SETD1B: variants seen among roughly 807,000 people sequenced by gnomAD.
SETD1B encodes the protein SET domain containing 1B, histone lysine methyltransferase.
SETD1B carries 7 observed loss-of-function variants against 148.0 expected under a neutral mutation model. The observed-to-expected ratio is 0.05, with a 90% CI of 0.03 to 0.09. SETD1B has a LOEUF of 0.09. Among genes scored for constraint, SETD1B ranks in the 10% least tolerant of loss-of-function variants. The pLI is 1.00. For synonymous variants in SETD1B, 1,361 were observed against 1,186.5 expected (o/e 1.15, Z -3.02); for missense variants, 2,155 against 2,729.9 (o/e 0.79, Z 4.69).
At chr12:121,815,823 C>CTTTTTTTTTTTTTTTT (rs994063316) in intron 7 of SETD1B, among the ~76,000 whole-genome samples, 10 of 118,158 alleles carry the variant, frequency 8.5e-5, no homozygotes, top group Non-Finnish European at 1.2e-4. Context: ...TCTTTTCTTT[C>CTTTTTTTTTTTTTTTT]TTTTTTTTTT....
In SETD1B at chr12:121,831,437, A is replaced by G. The variant is rs1031992931; in HGVS notation, c.*1198A>G. On this transcript the variant is annotated 3_prime_UTR_variant, in exon 17 of 17. Coordinates refer to ENST00000604567, the MANE Select transcript of SETD1B (RefSeq NM_001353345.2). ...TTGACCCCCTTCCCATCTCTTCAGA[A>G]TTTATTCCCATGGCTTTTTTTTTTC... The G allele has an allele frequency of 2.6e-5, 4 of 151,682 alleles. No individual in the cohort carries two copies. The highest frequency in any genetic ancestry group is 9.7e-5 in the African/African-American group (4 of 41,340). 9.4% of individuals were successfully genotyped at this position (151,682 alleles called of 1,614,324 possible).
At chr12:121,816,992 G>T (rs747121302) in intron 7 of SETD1B, 41 bp from the exon 8 acceptor site, 8 of 1,460,110 alleles carry the variant, frequency 5.5e-6, no homozygotes, top group Non-Finnish European at 7.3e-6. Context: ...AGGGTTGGTG[G>T]TGCCAGAAGC....
In SETD1B at chr12:121,808,138, G is replaced by A. The variant is rs1448955351; in HGVS notation, c.545-70G>A. ...AGGGACCCACCAGGGTGCCACACAGGTTGGAATCCTTGTGGGGGCTGCCCC... is the reference window on the plus strand; with the variant it reads ...AGGGACCCACCAGGGTGCCACACAGATTGGAATCCTTGTGGGGGCTGCCCC... On this transcript the variant is annotated intron_variant, in intron 4 of 16. Coordinates refer to ENST00000604567, the MANE Select transcript of SETD1B (RefSeq NM_001353345.2). The surrounding 1 kb of genome is among the most constrained non-coding windows in gnomAD (Gnocchi z 5.3). 14 of 1,268,456 alleles carry A rather than the reference G, an allele frequency of 1.1e-5. No individual in the cohort carries two copies. The highest frequency in any genetic ancestry group is 1.6e-5 in the Non-Finnish European group (14 of 900,718). 78.6% of individuals were successfully genotyped at this position (1,268,456 alleles called of 1,614,324 possible).
chr12:121,807,907 G>T (rs967150183), intron 4 of SETD1B, among the ~76,000 whole-genome samples: 21 of 150,394 alleles, frequency 1.4e-4, no homozygotes, highest in Admixed American at 7.9e-4. Flanking sequence ...ATGCAGGGGT[G>T]GGGGGGGGCT....
chr12:121,812,020 GCT>G lies in SETD1B; in HGVS notation c.1890+1186_1890+1187del, dbSNP rs1198579979. On this transcript the variant is annotated intron_variant, in intron 6 of 16. Coordinates refer to ENST00000604567, the MANE Select transcript of SETD1B (RefSeq NM_001353345.2). ...TTTACCATGCTGACCACGGTCCAGG[GCT>G]GAGAGGCCCGCAGTGGCTGGAGCGA... 2.6e-5 allele frequency among the ~76,000 whole-genome samples: 4 copies of G among 152,320 alleles called. No homozygotes were observed. In the East Asian group the frequency reaches 5.8e-4, roughly 22 times the overall value.
intron 4 of SETD1B, among the ~76,000 whole-genome samples, chr12:121,807,839 C>T (rs1188456938): frequency 6.6e-6 from 1 of 151,864 alleles, no homozygotes. Context: ...TACTGCAAGC[C>T]CCTGGGTATT....
In SETD1B at chr12:121,804,541, C is replaced by T. The variant is rs570162143; in HGVS notation, c.-14-183C>T. Among the ~76,000 whole-genome samples the T allele has an allele frequency of 5.3e-5, 8 of 151,594 alleles. No individual in the cohort carries two copies. The South Asian group carries it at 1.5e-3, about 28-fold the overall frequency. On this transcript the variant is annotated intron_variant, in intron 1 of 16. Coordinates refer to ENST00000604567, the MANE Select transcript of SETD1B (RefSeq NM_001353345.2). This position sits in a 1 kb window ranked among gnomAD's most constrained non-coding sequence, Gnocchi z 4.6. ...GCCGAGCGGGCGGGCGCGTAATTCT[C>T]CCGGAAGGGTTATTCTCTCGCTCCA...
chr12:121,817,999 ATGT>A lies in SETD1B; in HGVS notation c.3418+99_3418+101del, dbSNP rs1461833699. ...TTGTCAGAAATACTTCTGAGCCAAAATGTTGTGCTTTTGAGACGTTACCTTGTT... is the reference window on the plus strand; with the variant it reads ...TTGTCAGAAATACTTCTGAGCCAAAATGTGCTTTTGAGACGTTACCTTGTT... On this transcript the variant is annotated intron_variant, in intron 10 of 16. Transcript: ENST00000604567. The surrounding 1 kb of genome is among the most constrained non-coding windows in gnomAD (Gnocchi z 8.1). 4.7e-6 allele frequency: 6 copies of A among 1,290,314 alleles called. No individual in the cohort carries two copies. The Admixed American group carries it at 1.4e-4, about 31-fold the overall frequency. The allele number at this position is 1,290,314 out of a possible 1,614,324, so 79.9% of individuals were successfully genotyped here.
In SETD1B at chr12:121,817,710, T is replaced by C; in HGVS notation, c.3312+6T>C. 6.5e-7 allele frequency: 1 copy of C among 1,541,942 alleles called. No individual in the cohort carries two copies. Among genetic ancestry groups the C allele is most frequent in the Non-Finnish European group, 8.8e-7 (1 of 1,139,920 alleles). On this transcript the variant is annotated splice_donor_region_variant and intron_variant, in intron 9 of 16. Coordinates refer to ENST00000604567, the MANE Select transcript of SETD1B (RefSeq NM_001353345.2). This position sits in a 1 kb window ranked among gnomAD's most constrained non-coding sequence, Gnocchi z 8.1. ...CCTCATCCACATCAGATAAGGTGCC[T>C]AGCAGGCCAGGAAGCCTCAGGGGGC...
Position 121,814,153 on chromosome 12 carries a change from G to A in SETD1B, c.1938G>A (p.Met646Ile). Reference sequence around the variant, plus strand: ...ACATGGAGATCTCGGATGACGAGATGCCCTCGGCCCCCATCACCAGCGCTG... The same window carrying A: ...ACATGGAGATCTCGGATGACGAGATACCCTCGGCCCCCATCACCAGCGCTG... ...GEDMEISDDE[M>I]PSAPITSADC... The change falls in exon 7 of 17, where the codon ATG (methionine) becomes ATA (isoleucine). Residue 646 changes from methionine to isoleucine, a missense_variant. Met to Ile is a conservative substitution (Grantham distance 10). This residue lies in a region of SETD1B where 295 missense variants were observed against 303.8 expected (regional missense o/e 0.97). Coordinates refer to ENST00000604567, the MANE Select transcript of SETD1B (RefSeq NM_001353345.2). 6.5e-7 allele frequency: 1 copy of A among 1,548,162 alleles called. No homozygotes were observed. Among genetic ancestry groups the A allele is most frequent in the Non-Finnish European group, 8.7e-7 (1 of 1,146,534 alleles).
At chr12:121,821,788 A>G (rs560751397) in intron 11 of SETD1B, among the ~76,000 whole-genome samples, 1 of 152,082 alleles carries the variant, frequency 6.6e-6, no homozygotes, top group African/African-American at 2.4e-5. Context: ...TAGAAAATGA[A>G]AAAGATGTAT....
intron 16 of SETD1B, among the ~76,000 whole-genome samples, chr12:121,828,589 G>C (rs1381834168): frequency 6.6e-6 from 1 of 152,202 alleles, no homozygotes; most frequent in Non-Finnish European, 1.5e-5. Context: ...TGTGACGACT[G>C]TATTGGGTGG....
rs760141946 is a variant in SETD1B, at chr12:121,817,563, C to T, written c.3171C>T (p.Thr1057=). 4.1e-5 allele frequency: 63 copies of T among 1,551,248 alleles called. No homozygotes were observed. The Middle Eastern group carries it at 1.0e-3, about 25-fold the overall frequency. The change falls in exon 9 of 17, where the codon ACC becomes ACT. Residue 1057 remains threonine (T), a synonymous_variant. Transcript: ENST00000604567. The surrounding 1 kb of genome is among the most constrained non-coding windows in gnomAD (Gnocchi z 8.1). ...CGTCATCATCCTCGGGGTCCTCAAC[C>T]ACCTCACCCTCGTCCTCGGCCTCCG... ...SSASSSSGSS[T]TSPSSSASDK...
the SETD1B span, among the ~76,000 whole-genome samples, chr12:121,798,936 G>C: frequency 6.6e-6 from 1 of 152,242 alleles, no homozygotes; most frequent in African/African-American, 2.4e-5. Context: ...GTGGAACGTG[G>C]CACTTCTGCG....
At chr12:121,822,247 T>A (rs1876595420) in intron 11 of SETD1B, among the ~76,000 whole-genome samples, 1 of 152,128 alleles carries the variant, frequency 6.6e-6, no homozygotes, top group African/African-American at 2.4e-5. Context: ...AGACGTAGTA[T>A]GAAAGGCTGG....
the SETD1B span, among the ~76,000 whole-genome samples, chr12:121,798,430 C>T: frequency 1.3e-5 from 2 of 152,206 alleles, no homozygotes; most frequent in Non-Finnish European, 2.9e-5. Flanking sequence ...CAGCCCCCAC[C>T]CCCTGCAGCC....
upstream of SETD1B, chr12:121,799,286 C>T (rs1875176935): frequency 6.6e-6 from 1 of 152,224 alleles, no homozygotes; most frequent in South Asian, 2.1e-4. Context: ...AGAAACAAGG[C>T]TTATATACAG....
Position 121,817,486 on chromosome 12 carries a change from G to C in SETD1B, c.3094G>C (p.Gly1032Arg). 1 of 1,551,136 alleles carries C rather than the reference G, an allele frequency of 6.4e-7. No homozygotes were observed. Among genetic ancestry groups the C allele is most frequent in the Non-Finnish European group, 8.7e-7 (1 of 1,146,742 alleles). ...RPARPLELDS[G>R]GEEDEKESLS... is the part of the protein sequence containing the mutation. ...GGCGCGGCCTCTGGAGCTGGACAGT[G>C]GTGGGGAGGAGGACGAGAAGGAGTC... Residue 1032 changes from glycine (G) to arginine (R), a missense_variant, in exon 9 of 17, where the codon GGT becomes CGT. Transcript: ENST00000604567. The surrounding 1 kb of genome is among the most constrained non-coding windows in gnomAD (Gnocchi z 8.1).
chr12:121,819,690 C>T lies in SETD1B; in HGVS notation c.3705C>T (p.Asp1235=). The T allele has an allele frequency of 6.4e-7, 1 of 1,551,144 alleles. No individual in the cohort carries two copies. The highest frequency in any genetic ancestry group is 1.7e-4 in the Middle Eastern group (1 of 5,730). ...CGTTGGGCATGGAAGAGGAGGTGGA[C>T]ATCGAGACTGAGGCTGTGGCCCCTG... ...VDSLGMEEEV[D]IETEAVAPEE... is the part of the protein sequence containing the mutation. Residue 1235 remains aspartate, a synonymous_variant, in exon 11 of 17, where the codon GAC becomes GAT. Transcript: ENST00000604567.
Sources: allele counts gnomAD v4.1 joint callset (sites outside exome capture counted in the v4.1 genomes callset), GRCh38; gene constraint gnomAD v4.1.1; regional missense constraint gnomAD v4.1.1; non-coding constraint Gnocchi (gnomAD v3.1); transcripts MANE v1.5; gene names NCBI Gene and HGNC (gene_info 2026-07-23, HGNC 2026-07-21).